Variants in GPC6 observed in about 807,000 individuals in gnomAD.
GPC6 encodes the protein glypican-6.
Under a neutral mutation model 55.2 loss-of-function variants are expected in GPC6, and 14 were observed. The ratio of observed to expected loss-of-function variants is 0.25; its 90% confidence interval spans 0.17 to 0.40. GPC6 has a LOEUF of 0.40. GPC6 is among the 10% of genes least tolerant of loss of function. The pLI is 1.00. For missense variants in GPC6, 641 were observed against 708.5 expected (o/e 0.90, Z 1.08); for synonymous variants, 278 against 259.6 (o/e 1.07, Z -0.68).
chr13:93,679,840 A>AG (rs1881782031), intron 2 of GPC6, among the ~76,000 whole-genome samples: 1 of 151,784 alleles, frequency 6.6e-6, no homozygotes, highest in South Asian at 2.1e-4. Context: ...AAAAAAAAAA[A>AG]TGAACAAAGC....
intron 2 of GPC6, among the ~76,000 whole-genome samples, chr13:93,822,058 C>T (rs1887067209): frequency 6.6e-6 from 1 of 150,944 alleles, no homozygotes; most frequent in Non-Finnish European, 1.5e-5. Context: ...ACATAAAGTA[C>T]ATAATATTTT....
intron 3 of GPC6, among the ~76,000 whole-genome samples, chr13:93,864,046 G>A (rs552292230): frequency 4.0e-5 from 6 of 151,672 alleles, no homozygotes; most frequent in Admixed American, 3.3e-4. Context: ...GTGATAATGG[G>A]CTCAATTTAA....
intron 6 of GPC6, among the ~76,000 whole-genome samples, chr13:94,352,262 C>A (rs572932156): frequency 9.1e-4 from 138 of 152,142 alleles, no homozygotes; most frequent in African/African-American, 3.1e-3. Context: ...TGGGACTGGG[C>A]TCTCTTCCAG....
At chr13:94,265,321 G>A (rs756292019) in intron 4 of GPC6, among the ~76,000 whole-genome samples, 2 of 152,140 alleles carry the variant, frequency 1.3e-5, no homozygotes, top group South Asian at 2.1e-4. Flanking sequence ...AAGCCAGTTC[G>A]AGTCCCAAAG....
chr13:94,159,053 T>G (rs543362075), intron 4 of GPC6, among the ~76,000 whole-genome samples: 166 of 152,204 alleles, frequency 1.1e-3, no homozygotes, highest in Admixed American at 2.1e-3. Context: ...TAATATATCT[T>G]GGGAGACATC....
chr13:93,500,550 A>G lies in GPC6; in HGVS notation c.161-44713A>G, dbSNP rs76146583. Among the ~76,000 whole-genome samples the G allele has an allele frequency of 2.3e-3, 352 of 152,272 alleles. 3 individuals carry two copies. The highest frequency in any genetic ancestry group is 8.1e-3 in the African/African-American group (337 of 41,572). ...AAAAAATAATTGCATATTACTTAAT[A>G]TCCCACGAACATATATCTATTTTAC... On this transcript the variant is annotated intron_variant, in intron 1 of 8. Transcript: ENST00000377047.
intron 5 of GPC6, among the ~76,000 whole-genome samples, chr13:94,296,369 A>T (rs1038212537): frequency 2.6e-5 from 4 of 152,234 alleles, no homozygotes; most frequent in Non-Finnish European, 5.9e-5. Context: ...TAAATGATTG[A>T]AACACAATTC....
At chr13:93,309,252 A>C (rs1438912787) in intron 1 of GPC6, among the ~76,000 whole-genome samples, 1 of 152,186 alleles carries the variant, frequency 6.6e-6, no homozygotes, top group African/African-American at 2.4e-5. Context: ...TAAGTATAAA[A>C]GTCAATATTT....
chr13:93,604,571 T>A (rs1332420045), intron 2 of GPC6, among the ~76,000 whole-genome samples: 2 of 152,202 alleles, frequency 1.3e-5, no homozygotes, highest in African/African-American at 2.4e-5. Flanking sequence ...ACCTTTTTTT[T>A]CTTGGCCAGA....
At chr13:93,525,751 T>A (rs1403812305) in intron 1 of GPC6, among the ~76,000 whole-genome samples, 1 of 152,060 alleles carries the variant, frequency 6.6e-6, no homozygotes, top group Non-Finnish European at 1.5e-5. Flanking sequence ...TCTCAGATGG[T>A]TAATTATTTA....
intron 1 of GPC6, among the ~76,000 whole-genome samples, chr13:93,387,068 G>A (rs1438948323): frequency 6.6e-6 from 1 of 151,660 alleles, no homozygotes; most frequent in Non-Finnish European, 1.5e-5. Flanking sequence ...GTTTCAGGTG[G>A]ACATAAGCTT....
chr13:94,045,011 T>TAA (rs1295175178), intron 4 of GPC6, among the ~76,000 whole-genome samples: 1 of 151,850 alleles, frequency 6.6e-6, no homozygotes, highest in Non-Finnish European at 1.5e-5. Flanking sequence ...TATATATTTG[T>TAA]GAATAGCCTA....
intron 3 of GPC6, among the ~76,000 whole-genome samples, chr13:93,918,252 C>A (rs1169714185): frequency 1.3e-5 from 2 of 152,086 alleles, no homozygotes; most frequent in East Asian, 3.9e-4. Context: ...TGTAGCATGA[C>A]TTCAAGATTT....
intron 2 of GPC6, among the ~76,000 whole-genome samples, chr13:93,808,037 G>C (rs1886590259): frequency 6.6e-6 from 1 of 152,210 alleles, no homozygotes. Context: ...ATGAAATTAA[G>C]TAGGCCACTT....
intron 1 of GPC6, among the ~76,000 whole-genome samples, chr13:93,364,255 A>T (rs1052806840): frequency 6.6e-6 from 1 of 152,130 alleles, no homozygotes; most frequent in Admixed American, 6.6e-5. Context: ...TGTCAAAAAG[A>T]TTATTCTTGG....
At chr13:93,822,602 C>A (rs1344504501) in intron 2 of GPC6, among the ~76,000 whole-genome samples, 1 of 151,572 alleles carries the variant, frequency 6.6e-6, no homozygotes, top group Non-Finnish European at 1.5e-5. Flanking sequence ...CCCTAGACCC[C>A]CACCCCCCAA....
intron 5 of GPC6, among the ~76,000 whole-genome samples, chr13:94,296,765 CATA>C (rs1452984521): frequency 6.6e-6 from 1 of 152,188 alleles, no homozygotes; most frequent in Non-Finnish European, 1.5e-5. Context: ...AAACTACCAA[CATA>C]ATGTCACTGA....
intron 3 of GPC6, among the ~76,000 whole-genome samples, chr13:94,024,961 C>T (rs934664836): frequency 6.6e-6 from 1 of 152,176 alleles, no homozygotes; most frequent in Middle Eastern, 3.4e-3. Context: ...ATTGTAATAC[C>T]TTATATGATG....
At position 93,296,197 on chromosome 13, in the gene GPC6, G is replaced by A. The variant is rs536073065; in HGVS notation, c.160+68581G>A. 2.6e-5 allele frequency among the ~76,000 whole-genome samples: 4 copies of A among 152,270 alleles called. 1 individual carries two copies. Among genetic ancestry groups the A allele is most frequent in the African/African-American group, 9.6e-5 (4 of 41,546 alleles). On this transcript the variant is annotated intron_variant, in intron 1 of 8. Coordinates refer to ENST00000377047, the MANE Select transcript of GPC6 (RefSeq NM_005708.5). The stretch of plus-strand genomic sequence containing the variant: ...TTTTGCACAAATTAGGAGCCTGAGA[G>A]TCCTATTTGACTTTTCTCTATTTCT...
Sources: allele counts gnomAD v4.1 joint callset (sites outside exome capture counted in the v4.1 genomes callset), GRCh38; gene constraint gnomAD v4.1.1; transcripts MANE v1.5; gene names NCBI Gene and HGNC (gene_info 2026-07-23, HGNC 2026-07-21).